Variants in KLHL1 observed in about 807,000 individuals in gnomAD.
KLHL1 encodes kelch-like protein 1.
KLHL1 carries 47 observed loss-of-function variants against 77.7 expected under a neutral mutation model. The observed-to-expected ratio is 0.60, with a 90% confidence interval of 0.48 to 0.77. The LOEUF is 0.77. Among genes scored for constraint, KLHL1 ranks in the 30% least tolerant of loss-of-function variants. The pLI is 0.00. For missense variants in KLHL1, 925 were observed against 910.8 expected, an observed-to-expected ratio of 1.02 and a Z score of -0.20; for synonymous variants, 360 against 325.2, an observed-to-expected ratio of 1.11 and a Z score of -1.15.
intron 7 of KLHL1, among the ~76,000 whole-genome samples, chr13:69,752,990 C>T (rs959232741): frequency 7.9e-5 from 12 of 152,254 alleles, no homozygotes; most frequent in South Asian, 2.1e-4. Flanking sequence ...TCTTTTAAGA[C>T]GTGGGTCTTC....
At chr13:69,967,215 C>G (rs1383357532) in intron 2 of KLHL1, among the ~76,000 whole-genome samples, 1 of 152,116 alleles carries the variant, frequency 6.6e-6, no homozygotes, top group Non-Finnish European at 1.5e-5. Flanking sequence ...TCCTTTGAGG[C>G]ATCTGGCAAA....
intron 5 of KLHL1, among the ~76,000 whole-genome samples, chr13:69,864,630 T>C (rs1439056011): frequency 6.6e-6 from 1 of 152,144 alleles, no homozygotes; most frequent in Non-Finnish European, 1.5e-5. Flanking sequence ...ACTCACAAGG[T>C]AAAGACTACT....
chr13:69,813,481 T>TACACACACACAC (rs141973704), intron 6 of KLHL1, among the ~76,000 whole-genome samples: 59 of 146,368 alleles, frequency 4.0e-4, no homozygotes, highest in African/African-American at 1.2e-3. Context: ...TACACACACA[T>TACACACACACAC]ACACACACAC....
Position 69,719,397 on chromosome 13 carries a change from A to C in KLHL1, c.1987T>G (p.Cys663Gly). 1 of 1,613,538 alleles carries C rather than the reference A, an allele frequency of 6.2e-7. No individual in the cohort carries two copies. Among genetic ancestry groups the C allele is most frequent in the African/African-American group, 1.3e-5 (1 of 74,996 alleles). The change falls in exon 9 of 11, where the codon TGT (cysteine) becomes GGT (glycine). Residue 663 changes from cysteine to glycine, a missense_variant. Transcript: ENST00000377844. ...TCTACATAATCCAGTAGCCGGGAACAGTGATTTGAAGCAGGAGCATCATGA... is the reference window on the plus strand; with the variant it reads ...TCTACATAATCCAGTAGCCGGGAACCGTGATTTGAAGCAGGAGCATCATGA... The part of the protein sequence containing the change: ...GGHDAPASNH[C>G]SRLLDYVERY...
chr13:69,777,416 A>C (rs1199459858), intron 7 of KLHL1, among the ~76,000 whole-genome samples: 1 of 152,154 alleles, frequency 6.6e-6, no homozygotes, highest in Non-Finnish European at 1.5e-5. Flanking sequence ...ATTTTAATTG[A>C]ATTATTATCT....
chr13:69,906,322 A>C (rs1476002752), intron 4 of KLHL1, among the ~76,000 whole-genome samples: 1 of 152,018 alleles, frequency 6.6e-6, no homozygotes, highest in Non-Finnish European at 1.5e-5. Context: ...TTCAGTGGTC[A>C]AGGAAAGGCG....
intron 7 of KLHL1, among the ~76,000 whole-genome samples, chr13:69,792,953 G>A (rs1876933808): frequency 6.6e-6 from 1 of 152,122 alleles, no homozygotes; most frequent in African/African-American, 2.4e-5. Flanking sequence ...GAATTTGCTA[G>A]TGGTGATGTC....
chr13:69,974,511 A>C (rs2210443), intron 2 of KLHL1, among the ~76,000 whole-genome samples: 93,344 of 151,428 alleles, frequency 0.62, 28,952 homozygotes, highest in Non-Finnish European at 0.65. Context: ...TTCAAATGAA[A>C]AAGAAAATGT....
At chr13:69,781,285 C>CTTTTTTTTTTTTTTTTTTTTTTTTT (rs869083780) in intron 7 of KLHL1, among the ~76,000 whole-genome samples, 1 of 119,708 alleles carries the variant, frequency 8.4e-6, no homozygotes, top group Non-Finnish European at 1.7e-5. Context: ...TTTTTTCTTT[C>CTTTTTTTTTTTTTTTTTTTTTTTTT]TTTTTTTTTT....
chr13:69,978,582 G>A (rs572266351), intron 1 of KLHL1, among the ~76,000 whole-genome samples: 49 of 151,506 alleles, frequency 3.2e-4, no homozygotes, highest in Admixed American at 3.0e-3. Context: ...TGCCCCCCGG[G>A]TTCAAGTGAT....
intron 1 of KLHL1, among the ~76,000 whole-genome samples, chr13:70,044,710 G>A (rs996860782): frequency 6.6e-6 from 1 of 152,018 alleles, no homozygotes; most frequent in East Asian, 1.9e-4. Context: ...GTATTATTTT[G>A]ACTTACTACA....
chr13:69,747,748 GC>G lies in KLHL1; in HGVS notation c.1640-7193del, dbSNP rs1487642530. Among the ~76,000 whole-genome samples, 12 of 152,016 alleles carry G rather than the reference GC, an allele frequency of 7.9e-5. No individual in the cohort carries two copies. In the South Asian group the frequency reaches 2.5e-3, roughly 31 times the overall value. On this transcript the variant is annotated intron_variant, in intron 7 of 10. Transcript: ENST00000377844. ...TTAAAGCATGACAATATCAAATGTT[GC>G]TAAGAACATTAGGAATTGAGAAGTC...
chr13:69,879,124 C>G (rs548079631), intron 5 of KLHL1, among the ~76,000 whole-genome samples: 38 of 152,028 alleles, frequency 2.5e-4, no homozygotes, highest in Non-Finnish European at 5.1e-4. Flanking sequence ...TTGATGGGTG[C>G]AGCACGCCAA....
At chr13:69,724,179 C>T (rs534615869) in intron 8 of KLHL1, among the ~76,000 whole-genome samples, 1 of 151,988 alleles carries the variant, frequency 6.6e-6, no homozygotes, top group Non-Finnish European at 1.5e-5. Context: ...TGGAAGTCCC[C>T]AATTTTGCCT....
At chr13:69,779,944 C>G (rs1876050687) in intron 7 of KLHL1, among the ~76,000 whole-genome samples, 1 of 152,012 alleles carries the variant, frequency 6.6e-6, no homozygotes, top group African/African-American at 2.4e-5. Context: ...CGAAGTATTA[C>G]TGGCACCCAC....
chr13:69,939,981 A>AT, intron 4 of KLHL1, 59 bp downstream of exon 4: 3 of 1,333,140 alleles, frequency 2.3e-6, no homozygotes, highest in Non-Finnish European at 3.0e-6. Context: ...GACAGTAATT[A>AT]TTTTTACCTC....
At chr13:69,942,477 T>C (rs1042428484) in intron 3 of KLHL1, among the ~76,000 whole-genome samples, 1 of 152,120 alleles carries the variant, frequency 6.6e-6, no homozygotes, top group Non-Finnish European at 1.5e-5. Context: ...ATGAATAGTT[T>C]TATGACATAA....
intron 7 of KLHL1, among the ~76,000 whole-genome samples, chr13:69,742,823 T>C (rs1327679329): frequency 6.6e-6 from 1 of 152,174 alleles, no homozygotes; most frequent in Non-Finnish European, 1.5e-5. Flanking sequence ...ACTTCAAATC[T>C]TGTTCTTTCA....
chr13:69,845,476 T>A (rs1879423121), intron 5 of KLHL1, among the ~76,000 whole-genome samples: 2 of 151,608 alleles, frequency 1.3e-5, no homozygotes, highest in Non-Finnish European at 3.0e-5. Context: ...TGCAAAAAAT[T>A]TAGCAGAAAT....
Sources: allele counts gnomAD v4.1 joint callset (sites outside exome capture counted in the v4.1 genomes callset), GRCh38; gene constraint gnomAD v4.1.1; transcripts MANE v1.5; gene names NCBI Gene and HGNC (gene_info 2026-07-23, HGNC 2026-07-21).